ASPSCR1: variants seen among roughly 807,000 people sequenced by gnomAD.
ASPSCR1 encodes the protein tether containing UBX domain for GLUT4.
In ASPSCR1, 55 loss-of-function variants were observed where a neutral mutation model predicts 68.9. The observed-to-expected ratio is 0.80, with a 90% CI of 0.64 to 1.00. ASPSCR1 has a LOEUF of 1.00. Among genes scored for constraint, ASPSCR1 ranks in the 50% least tolerant of loss-of-function variants. The probability of loss-of-function intolerance (pLI) is 0.00; values close to 1 mark genes in which losing one functional copy is unlikely to be tolerated. For missense variants in ASPSCR1, 765 were observed against 762.2 expected, an observed-to-expected ratio of 1.00 and a Z score of -0.04; for synonymous variants, 352 against 332.6, an observed-to-expected ratio of 1.06 and a Z score of -0.63.
At position 82,016,461 on chromosome 17, in the gene ASPSCR1, C is replaced by T. The variant is rs1351061449; in HGVS notation, c.1354-15C>T. 23 of 1,547,018 alleles carry T rather than the reference C, an allele frequency of 1.5e-5. No homozygotes were observed. Among genetic ancestry groups the T allele is most frequent in the Non-Finnish European group, 2.0e-5 (23 of 1,146,480 alleles). Reference sequence around the variant, plus strand: ...TGCCCACACCCGGCCCCTGAGCCCCCCGCCCTCCCTGCAGGCGAACCTCTT... The same window carrying T: ...TGCCCACACCCGGCCCCTGAGCCCCTCGCCCTCCCTGCAGGCGAACCTCTT... On this transcript the variant is annotated splice_polypyrimidine_tract_variant and intron_variant, in intron 12 of 15. Transcript: ENST00000306739.
At position 81,983,289 on chromosome 17, in the gene ASPSCR1, T is replaced by C. The variant is rs1332996393; in HGVS notation, c.159-265T>C. 1.3e-5 allele frequency among the ~76,000 whole-genome samples: 2 copies of C among 152,138 alleles called. No homozygotes were observed. The highest frequency in any genetic ancestry group is 4.8e-5 in the African/African-American group (2 of 41,446). Reference sequence around the variant, plus strand: ...CTGGGGCTGTCAGCACCCCAGACTCTGAAGGAGCAGCCCCCTCGGCGTGCA... The same window carrying C: ...CTGGGGCTGTCAGCACCCCAGACTCCGAAGGAGCAGCCCCCTCGGCGTGCA... On this transcript the variant is annotated intron_variant, in intron 2 of 15. Transcript: ENST00000306739. This position sits in a 1 kb window ranked among gnomAD's most constrained non-coding sequence, Gnocchi z 4.4.
chr17:82,016,490 G>A lies in ASPSCR1; in HGVS notation c.1368G>A (p.Pro456=), dbSNP rs774550098. Residue 456 remains proline, a synonymous_variant, in exon 13 of 16, where the codon CCG becomes CCA. Coordinates refer to ENST00000306739, the MANE Select transcript of ASPSCR1 (RefSeq NM_024083.4). ...TQTLFQANLF[P]AALVHLGAEE... ...CCTCCCTGCAGGCGAACCTCTTCCCGGCCGCTCTGGTGCACTTGGGAGCCG... is the reference window on the plus strand; with the variant it reads ...CCTCCCTGCAGGCGAACCTCTTCCCAGCCGCTCTGGTGCACTTGGGAGCCG... 14 of 1,548,512 alleles carry A rather than the reference G, an allele frequency of 9.0e-6. No individual in the cohort carries two copies. Among genetic ancestry groups the A allele is most frequent in the Middle Eastern group, 2.2e-4 (1 of 4,566 alleles).
chr17:81,998,950 G>A (rs58325247), intron 7 of ASPSCR1, among the ~76,000 whole-genome samples: 8,266 of 152,252 alleles, frequency 0.054, 366 homozygotes, highest in South Asian at 0.14. Context: ...TCTCCCTCAC[G>A]CCTCCCCCCA....
chr17:81,978,177 GTCAC>G (rs1215499997), intron 1 of ASPSCR1: 2 of 153,502 alleles, frequency 1.3e-5, no homozygotes, highest in African/African-American at 2.4e-5. Flanking sequence ...TTTTTGCCGA[GTCAC>G]TCACTGCACT....
rs557357802 is a variant in ASPSCR1 at position 82,016,250 on chromosome 17, GC to G, written c.1354-225del. On this transcript the variant is annotated intron_variant, in intron 12 of 15. Coordinates refer to ENST00000306739, the MANE Select transcript of ASPSCR1 (RefSeq NM_024083.4). Reference sequence around the variant, plus strand: ...GGCCCCAGCCTTCAGCTGGCTTGGGGCTTGGGGTGGTCCCATGGAGGGCGCT... The same window carrying G: ...GGCCCCAGCCTTCAGCTGGCTTGGGGTTGGGGTGGTCCCATGGAGGGCGCT... The G allele has an allele frequency of 3.1e-5, 18 of 579,440 alleles. No homozygotes were observed. The Admixed American group carries it at 3.9e-4, about 13-fold the overall frequency. The allele number at this position is 579,440 out of a possible 1,614,324, so 35.9% of individuals were successfully genotyped here. A position where few individuals can be genotyped will look rare whatever the true frequency, so the allele number is the denominator to read the frequency against.
rs754887850 is a variant in ASPSCR1, at chr17:81,996,583, T to A, written c.670T>A (p.Cys224Ser). 8 of 1,611,612 alleles carry A rather than the reference T, an allele frequency of 5.0e-6. No homozygotes were observed. In the Admixed American group the frequency reaches 1.0e-4, roughly 20 times the overall value. Residue 224 changes from cysteine to serine, a missense_variant, in exon 7 of 16, where the codon TGC becomes AGC. Physicochemically the swap from Cys to Ser is moderately radical, Grantham distance 112 (BLOSUM62 -1). Coordinates refer to ENST00000306739, the MANE Select transcript of ASPSCR1 (RefSeq NM_024083.4). ...GGAGGACGCGGACACCTCAGGGCCC[T>A]GCTGCGAGCACACTCAGGAGAAGCA... ...RPEDADTSGP[C>S]CEHTQEKQST... is the part of the protein sequence containing the mutation.
intron 7 of ASPSCR1, among the ~76,000 whole-genome samples, chr17:82,001,083 T>A (rs2042514366): frequency 6.6e-6 from 1 of 151,952 alleles, no homozygotes; most frequent in Non-Finnish European, 1.5e-5. Flanking sequence ...CGGCCCTCTG[T>A]GGCTGACAGC....
chr17:82,016,558 A>G, intron 13 of ASPSCR1, 31 bp downstream of exon 13: 1 of 1,549,012 alleles, frequency 6.5e-7, no homozygotes, highest in East Asian at 2.4e-5. Flanking sequence ...CCAGTGTCGG[A>G]GTCCAGCCAG....
In ASPSCR1 at chr17:82,009,144, G is replaced by A. The variant is rs1157830109; in HGVS notation, c.1041G>A (p.Leu347=). ...AGCTGCCTGATGAGTTCTTTGAGCT[G>A]ACGGTGGACGACGTGAGAAGACGCT... is the stretch of plus-strand genomic sequence containing the variant. The part of the protein sequence containing the change: ...PAELPDEFFE[L]TVDDVRRRLA... Residue 347 remains leucine, a synonymous_variant, in exon 8 of 16, where the codon CTG becomes CTA. Transcript: ENST00000306739. 1.2e-6 allele frequency: 2 copies of A among 1,610,160 alleles called. No homozygotes were observed. The highest frequency in any genetic ancestry group is 1.3e-5 in the African/African-American group (1 of 75,024).
intron 7 of ASPSCR1, 200 bp from the exon 8 acceptor site, chr17:82,008,837 C>G (rs1464219972): frequency 6.4e-6 from 4 of 629,528 alleles, no homozygotes; most frequent in Non-Finnish European, 1.0e-5. Context: ...TGGACAGGCT[C>G]TGAGTGGGGT....
intron 7 of ASPSCR1, among the ~76,000 whole-genome samples, chr17:82,002,792 A>G (rs980205416): frequency 3.9e-5 from 6 of 152,162 alleles, no homozygotes; most frequent in Non-Finnish European, 7.3e-5. Flanking sequence ...TCCTGACCTC[A>G]GGTGATCTGC....
At chr17:82,011,392 C>T (rs988213960) in intron 10 of ASPSCR1, 151 bp from the exon 11 acceptor site, 5 of 759,370 alleles carry the variant, frequency 6.6e-6, no homozygotes, top group East Asian at 5.7e-5. Flanking sequence ...CCAGCCACGC[C>T]GAGCACCTGG....
chr17:81,995,047 G>T, intron 5 of ASPSCR1, 169 bp downstream of exon 5: 2 of 696,718 alleles, frequency 2.9e-6, no homozygotes, highest in South Asian at 2.1e-5. Flanking sequence ...CTCGGAGCCC[G>T]GGCTGCCCCG....
chr17:81,991,259 T>C (rs2042151452), intron 4 of ASPSCR1, among the ~76,000 whole-genome samples: 1 of 152,202 alleles, frequency 6.6e-6, no homozygotes, highest in Non-Finnish European at 1.5e-5. Context: ...TGGCCCCCAG[T>C]GTGCCCGGCC....
At chr17:82,006,599 G>C (rs549975583) in intron 7 of ASPSCR1, 1 of 152,214 alleles carries the variant, frequency 6.6e-6, no homozygotes. Flanking sequence ...CCTCACCCCC[G>C]GTTGACGTCA....
At position 81,977,664 on chromosome 17, in the gene ASPSCR1, C is replaced by G; in HGVS notation, c.18C>G (p.Gly6=). The change falls in exon 1 of 16, where the codon GGC becomes GGG. Residue 6 remains glycine, a synonymous_variant. Transcript: ENST00000306739. The surrounding 1 kb of genome is among the most constrained non-coding windows in gnomAD (Gnocchi z 5.0). The part of the protein sequence containing the change: MAAPA[G]GGGSAVSVLA... ...AGCGGAAAATGGCGGCCCCGGCAGG[C>G]GGCGGAGGCTCCGCGGTGTCGGTGC... The G allele has an allele frequency of 3.6e-6, 5 of 1,396,836 alleles. No homozygotes were observed. Among genetic ancestry groups the G allele is most frequent in the Non-Finnish European group, 4.7e-6 (5 of 1,071,642 alleles). 86.5% of individuals were successfully genotyped at this position (1,396,836 alleles called of 1,614,324 possible).
chr17:82,006,448 G>A (rs1340689628), intron 7 of ASPSCR1: 3 of 152,188 alleles, frequency 2.0e-5, no homozygotes, highest in Non-Finnish European at 2.9e-5. Context: ...ATCTGCATGA[G>A]GGGTGTTCAC....
intron 5 of ASPSCR1, chr17:81,995,375 C>T (rs774709296): frequency 4.6e-5 from 11 of 237,364 alleles, no homozygotes; most frequent in Admixed American, 1.5e-4. Context: ...GGGGCTGTGA[C>T]GGGGAGGTTC....
At chr17:82,013,274 A>G (rs1177644965) in intron 12 of ASPSCR1, 2 of 152,182 alleles carry the variant, frequency 1.3e-5, no homozygotes, top group Non-Finnish European at 2.9e-5. Context: ...CAGTTGATAA[A>G]CATTGAATTT....
Sources: allele counts gnomAD v4.1 joint callset (sites outside exome capture counted in the v4.1 genomes callset), GRCh38; gene constraint gnomAD v4.1.1; non-coding constraint Gnocchi (gnomAD v3.1); transcripts MANE v1.5; gene names NCBI Gene and HGNC (gene_info 2026-07-23, HGNC 2026-07-21).